The following CSMD1 variants were observed in gnomAD, a reference collection of about 807,000 sequenced individuals.
CSMD1 encodes CUB and Sushi multiple domains 1, also known as CUB and sushi domain-containing protein 1.
A neutral mutation model predicts 417.5 loss-of-function variants in CSMD1; 213 were observed. The observed-to-expected ratio is 0.51, with a 90% confidence interval of 0.46 to 0.57. CSMD1 has a LOEUF of 0.57. Ranked by LOEUF, CSMD1 falls within the 20% of genes least tolerant of loss-of-function variation. The pLI, the probability that CSMD1 is intolerant of heterozygous loss-of-function variation, is 0.00. For synonymous variants in CSMD1, 2,862 were observed against 1,736.8 expected, an observed-to-expected ratio of 1.65 and a Z score of -16.11; for missense variants, 6,923 against 4,529.7, an observed-to-expected ratio of 1.53 and a Z score of -15.17.
At chr8:3,406,288 G>C (rs1585115989) in intron 14 of CSMD1, 67 bp from the exon 15 acceptor site, 11 of 1,282,700 alleles carry the variant, frequency 8.6e-6, no homozygotes, top group African/African-American at 1.5e-5. Context: ...TATTAAAAAA[G>C]AAGAAAACAG....
chr8:2,938,610 A>G lies in CSMD1; in HGVS notation c.10670T>C (p.Leu3557Pro). The change falls in exon 70 of 70, where the codon CTG becomes CCG. Residue 3557 changes from leucine to proline, a missense_variant. Coordinates refer to ENST00000635120, the MANE Select transcript of CSMD1 (RefSeq NM_033225.6). ...CTATACCACTGTACAGACTGTGTTC[A>G]GAGTTGTGTCAAACCTCACAGCCTT... ...EAKAVRFDTT[L>P]NTVCTVV is the part of the protein sequence containing the mutation. The G allele has an allele frequency of 1.2e-6, 2 of 1,612,302 alleles. No individual in the cohort carries two copies. Among genetic ancestry groups the G allele is most frequent in the Non-Finnish European group, 1.7e-6 (2 of 1,179,220 alleles).
intron 3 of CSMD1, among the ~76,000 whole-genome samples, chr8:4,099,584 C>T (rs1472801423): frequency 6.6e-6 from 1 of 152,010 alleles, no homozygotes; most frequent in Non-Finnish European, 1.5e-5. Context: ...ATCAATCAAT[C>T]AAACTGTTCT....
At chr8:3,576,247 TTCTC>T (rs1289789981) in intron 9 of CSMD1, among the ~76,000 whole-genome samples, 1 of 149,306 alleles carries the variant, frequency 6.7e-6, no homozygotes, top group African/African-American at 2.5e-5. Flanking sequence ...AACCAGACAT[TTCTC>T]TCTTCCATGC....
At chr8:3,542,319 C>T (rs1434040674) in intron 10 of CSMD1, among the ~76,000 whole-genome samples, 1 of 151,940 alleles carries the variant, frequency 6.6e-6, no homozygotes, top group East Asian at 1.9e-4. Flanking sequence ...AATCTTCAAT[C>T]ATTCAGATGG....
chr8:4,902,118 A>G (rs182100907), intron 1 of CSMD1, among the ~76,000 whole-genome samples: 127 of 152,288 alleles, frequency 8.3e-4, no homozygotes, highest in African/African-American at 3.0e-3. Context: ...AAATAACTAT[A>G]TATCAATGAA....
At chr8:4,425,109 A>C (rs1978844) in intron 2 of CSMD1, among the ~76,000 whole-genome samples, 51,526 of 151,780 alleles carry the variant, frequency 0.34, 9,742 homozygotes, top group Non-Finnish European at 0.44. Context: ...AGTTAGGTAC[A>C]AAATAATGTG....
At chr8:4,248,539 C>T (rs760267193) in intron 3 of CSMD1, among the ~76,000 whole-genome samples, 1 of 152,180 alleles carries the variant, frequency 6.6e-6, no homozygotes, top group Non-Finnish European at 1.5e-5. Context: ...TAGGTTTTGC[C>T]ATAGACACAT....
chr8:3,843,749 T>C (rs1235864206), intron 5 of CSMD1, among the ~76,000 whole-genome samples: 1 of 152,132 alleles, frequency 6.6e-6, no homozygotes. Context: ...TCGGGAAATG[T>C]TTTAAAGCAT....
At chr8:4,375,132 T>C (rs549795350) in intron 3 of CSMD1, among the ~76,000 whole-genome samples, 2 of 152,220 alleles carry the variant, frequency 1.3e-5, no homozygotes, top group African/African-American at 2.4e-5. Context: ...AAATGGCAAC[T>C]GTAGATAGGT....
chr8:4,597,516 T>A (rs13279272), intron 2 of CSMD1, among the ~76,000 whole-genome samples: 2 of 151,954 alleles, frequency 1.3e-5, no homozygotes, highest in African/African-American at 4.8e-5. Context: ...GACCAGTTAC[T>A]CTATATCTTT....
intron 3 of CSMD1, among the ~76,000 whole-genome samples, chr8:4,256,549 A>G (rs1011941060): frequency 6.6e-5 from 10 of 152,114 alleles, no homozygotes; most frequent in African/African-American, 2.2e-4. Context: ...TGACATCACC[A>G]TTTACTTTTA....
intron 3 of CSMD1, among the ~76,000 whole-genome samples, chr8:4,092,827 G>C (rs934716464): frequency 6.6e-6 from 1 of 151,648 alleles, no homozygotes. Flanking sequence ...AATTTGTTTT[G>C]ATCAAAGCAC....
chr8:3,458,323 T>C (rs183241445), intron 12 of CSMD1, among the ~76,000 whole-genome samples: 68 of 152,322 alleles, frequency 4.5e-4, no homozygotes, highest in Non-Finnish European at 3.1e-4. Context: ...AAATATTTAA[T>C]AATGGCTTAT....
chr8:3,543,157 A>G (rs1039260067), intron 10 of CSMD1, among the ~76,000 whole-genome samples: 1 of 152,174 alleles, frequency 6.6e-6, no homozygotes, highest in African/African-American at 2.4e-5. Context: ...GACAAAAGTC[A>G]ATACCCTGAG....
chr8:3,008,263 G>A (rs1347570743), intron 52 of CSMD1, among the ~76,000 whole-genome samples: 1 of 152,198 alleles, frequency 6.6e-6, no homozygotes, highest in East Asian at 1.9e-4. Flanking sequence ...GCAGTCAGGA[G>A]GGCAGAAAGT....
At chr8:4,785,602 G>A (rs112274577) in intron 1 of CSMD1, among the ~76,000 whole-genome samples, 1 of 152,010 alleles carries the variant, frequency 6.6e-6, no homozygotes, top group Admixed American at 6.6e-5. Flanking sequence ...CTGACTTCAG[G>A]GGGCTCTGAG....
intron 7 of CSMD1, among the ~76,000 whole-genome samples, chr8:3,660,473 C>G (rs1331716059): frequency 7.9e-6 from 1 of 126,604 alleles, no homozygotes; most frequent in African/African-American, 3.0e-5. Context: ...GGGCTCAGAT[C>G]AAGTGGCTTT....
chr8:4,604,988 C>T (rs1042184683), intron 2 of CSMD1, among the ~76,000 whole-genome samples: 2 of 152,170 alleles, frequency 1.3e-5, no homozygotes, highest in African/African-American at 2.4e-5. Context: ...AGTAAGGCTT[C>T]CTGTGGTGCT....
intron 5 of CSMD1, among the ~76,000 whole-genome samples, chr8:3,765,185 C>A (rs895939902): frequency 6.6e-6 from 1 of 152,234 alleles, no homozygotes; most frequent in African/African-American, 2.4e-5. Flanking sequence ...CTTTCGTGAA[C>A]CTTGTGTTCT....
Sources: allele counts gnomAD v4.1 joint callset (sites outside exome capture counted in the v4.1 genomes callset), GRCh38; gene constraint gnomAD v4.1.1; transcripts MANE v1.5; gene names NCBI Gene and HGNC (gene_info 2026-07-23, HGNC 2026-07-21).